Variants in SDK1 observed in about 807,000 individuals in gnomAD.
SDK1 encodes the protein protein sidekick-1.
Under a neutral mutation model 245.5 loss-of-function variants are expected in SDK1, and 157 were observed. The ratio of observed to expected loss-of-function variants is 0.64; its 90% CI spans 0.56 to 0.73. SDK1 has a LOEUF of 0.73. SDK1 is among the 30% of genes least tolerant of loss of function. SDK1 has a pLI of 0.00. For synonymous variants in SDK1, 1,647 were observed against 1,278.5 expected (o/e 1.29, Z -6.15); for missense variants, 3,583 against 3,002.3 (o/e 1.19, Z -4.52).
intron 25 of SDK1, among the ~76,000 whole-genome samples, chr7:4,116,845 T>G (rs1783745946): frequency 6.6e-6 from 1 of 152,192 alleles, no homozygotes; most frequent in Admixed American, 6.5e-5. Context: ...CCAGTGTGCT[T>G]CTGAGAGGAC....
At chr7:4,149,841 G>A (rs540505669) in intron 30 of SDK1, among the ~76,000 whole-genome samples, 7 of 152,250 alleles carry the variant, frequency 4.6e-5, no homozygotes, top group Admixed American at 1.3e-4. Context: ...GGCTGGCCTC[G>A]GGTGTCCAGG....
intron 13 of SDK1, among the ~76,000 whole-genome samples, chr7:3,980,241 A>G (rs1783292103): frequency 1.3e-5 from 2 of 152,164 alleles, no homozygotes. Context: ...GTCTTTTTCA[A>G]AACTGTTTTT....
chr7:4,077,973 C>A (rs1780804265), intron 21 of SDK1, among the ~76,000 whole-genome samples: 1 of 152,162 alleles, frequency 6.6e-6, no homozygotes, highest in Non-Finnish European at 1.5e-5. Context: ...GTGCAAGTTA[C>A]CAGAGTTTTC....
chr7:3,814,065 C>T (rs1398729558), intron 4 of SDK1, among the ~76,000 whole-genome samples: 1 of 128,474 alleles, frequency 7.8e-6, no homozygotes, highest in Non-Finnish European at 1.6e-5. Flanking sequence ...TGTAGGTTGC[C>T]TGTTCACTCT....
intron 2 of SDK1, among the ~76,000 whole-genome samples, chr7:3,633,130 A>G (rs1321177132): frequency 2.0e-5 from 3 of 152,266 alleles, no homozygotes; most frequent in African/African-American, 7.2e-5. Flanking sequence ...ATGAAAGCTT[A>G]TTATAGAACT....
intron 4 of SDK1, among the ~76,000 whole-genome samples, chr7:3,712,775 A>C (rs1299269694): frequency 2.6e-5 from 4 of 152,228 alleles, no homozygotes; most frequent in Non-Finnish European, 4.4e-5. Context: ...GTTCATTCTG[A>C]GGAAAGGGTC....
chr7:3,487,671 G>T (rs1583935021), intron 1 of SDK1, among the ~76,000 whole-genome samples: 1 of 142,428 alleles, frequency 7.0e-6, no homozygotes, highest in African/African-American at 2.6e-5. Flanking sequence ...GGGAGGATCA[G>T]TTGATCCCAG....
intron 1 of SDK1, among the ~76,000 whole-genome samples, chr7:3,542,714 C>A (rs959009592): frequency 6.6e-6 from 1 of 152,170 alleles, no homozygotes; most frequent in African/African-American, 2.4e-5. Flanking sequence ...TTAAACCTCT[C>A]TTAGAAACTG....
intron 13 of SDK1, among the ~76,000 whole-genome samples, chr7:3,984,382 T>C (rs566400607): frequency 1.6e-4 from 25 of 152,174 alleles, no homozygotes; most frequent in Non-Finnish European, 3.2e-4. Context: ...CACCTTGGGC[T>C]AAGAGAAGCG....
chr7:3,569,667 T>C (rs113826860), intron 1 of SDK1, among the ~76,000 whole-genome samples: 2,228 of 152,326 alleles, frequency 0.015, 32 homozygotes, highest in Non-Finnish European at 0.023. Context: ...CCTCAGGAAG[T>C]GGCAGCCATG....
rs377122552 is a variant in SDK1, at chr7:3,384,261, T to G, written c.298+82377T>G. Among the ~76,000 whole-genome samples, 47 of 152,344 alleles carry G rather than the reference T, an allele frequency of 3.1e-4. 5 individuals are homozygous for G. Among genetic ancestry groups the G allele is most frequent in the African/African-American group, 8.9e-4 (37 of 41,588 alleles). ...TTTTTTATGTATACTTTTTAGTGCT[T>G]TATAGTTATTAGCAGGTTCCACAGT... On this transcript the variant is annotated intron_variant, in intron 1 of 44. Transcript: ENST00000404826.
At chr7:4,130,611 G>C (rs1784743693) in intron 27 of SDK1, 1 of 152,628 alleles carries the variant, frequency 6.6e-6, no homozygotes, top group African/African-American at 2.4e-5. Context: ...GTTATAGAAA[G>C]CCCCGTGCTG....
intron 44 of SDK1, among the ~76,000 whole-genome samples, chr7:4,263,586 A>G (rs1440839066): frequency 2.3e-5 from 1 of 43,158 alleles, no homozygotes; most frequent in Non-Finnish European, 4.4e-5. Flanking sequence ...TGAGTGAGGG[A>G]GGCCGCGTAG....
intron 5 of SDK1, among the ~76,000 whole-genome samples, chr7:3,914,833 T>G (rs946977570): frequency 6.6e-6 from 1 of 152,218 alleles, no homozygotes; most frequent in African/African-American, 2.4e-5. Context: ...TTTGAGAATT[T>G]AAATGAGACC....
At chr7:3,397,599 G>C (rs546277113) in intron 1 of SDK1, among the ~76,000 whole-genome samples, 1 of 151,056 alleles carries the variant, frequency 6.6e-6, no homozygotes, top group East Asian at 1.9e-4. Flanking sequence ...CATTTTTTCT[G>C]TTGTTTTACA....
chr7:4,010,874 G>C, intron 14 of SDK1, 92 bp from the exon 15 acceptor site: 1 of 1,332,654 alleles, frequency 7.5e-7, no homozygotes, highest in Non-Finnish European at 1.1e-6. Context: ...CTAAGCAAAT[G>C]AGATGTTCCC....
intron 4 of SDK1, among the ~76,000 whole-genome samples, chr7:3,647,711 A>C (rs1287396676): frequency 1.3e-5 from 2 of 152,080 alleles, no homozygotes; most frequent in Non-Finnish European, 2.9e-5. Flanking sequence ...ATTACAGACC[A>C]CCGTGCCCGG....
intron 38 of SDK1, among the ~76,000 whole-genome samples, chr7:4,219,753 C>T (rs1785031678): frequency 6.6e-6 from 1 of 152,094 alleles, no homozygotes; most frequent in Non-Finnish European, 1.5e-5. Context: ...TGGGAAGGGA[C>T]ATTCCCTGGA....
rs191441918 is a variant in SDK1, at chr7:3,458,128, G to T, written c.298+156244G>T. 2.0e-4 allele frequency among the ~76,000 whole-genome samples: 30 copies of T among 150,832 alleles called. No individual in the cohort carries two copies. The East Asian group carries it at 5.6e-3, about 28-fold the overall frequency. ...ACTCTTACTTGTCTTTTTCTTTGAT[G>T]GTTTGAAATTTTGCATTGATATTCG... On this transcript the variant is annotated intron_variant, in intron 1 of 44. Transcript: ENST00000404826.
Sources: allele counts gnomAD v4.1 joint callset (sites outside exome capture counted in the v4.1 genomes callset), GRCh38; gene constraint gnomAD v4.1.1; transcripts MANE v1.5; gene names NCBI Gene and HGNC (gene_info 2026-07-23, HGNC 2026-07-21).